The following EVX1 variants were observed in gnomAD, a reference collection of about 807,000 sequenced individuals.
EVX1 encodes even-skipped homeobox 1.
A neutral mutation model predicts 28.6 loss-of-function variants in EVX1; 19 were observed. The ratio of observed to expected loss-of-function variants is 0.67; its 90% confidence interval spans 0.46 to 0.98. The LOEUF (loss-of-function observed/expected upper bound fraction) is 0.98. Among genes scored for constraint, EVX1 ranks in the 50% least tolerant of loss-of-function variants. EVX1 has a pLI of 0.00. For synonymous variants in EVX1, 324 were observed against 278.2 expected (o/e 1.16, Z -1.64); for missense variants, 660 against 583.0 (o/e 1.13, Z -1.36).
At position 27,245,209 on chromosome 7, in the gene EVX1, C is replaced by A. The variant is rs375461284; in HGVS notation, c.589C>A (p.Arg197=). The change falls in exon 2 of 3, where the codon CGG becomes AGG. Residue 197 remains arginine (R), a synonymous_variant. Transcript: ENST00000496902. ...RTAFTREQIA[R]LEKEFYRENY... is the part of the protein sequence containing the mutation. ...CGCCTTCACCCGAGAGCAGATTGCG[C>A]GGCTGGAGAAGGAATTCTACCGGGA... 1 of 1,613,566 alleles carries A rather than the reference C, an allele frequency of 6.2e-7. No individual in the cohort carries two copies. Among genetic ancestry groups the A allele is most frequent in the African/African-American group, 1.3e-5 (1 of 74,952 alleles).
intron 1 of EVX1, 109 bp from the exon 2 acceptor site, chr7:27,244,939 C>G: frequency 6.8e-7 from 1 of 1,472,788 alleles, no homozygotes; most frequent in Non-Finnish European, 9.1e-7. Flanking sequence ...AGGTGGCTGA[C>G]AGGGTGTCCC....
Position 27,246,422 on chromosome 7 carries a change from A to AT in EVX1, c.1222dup (p.Ter408LeufsTer160), listed in dbSNP as rs762860657. 1 of 1,593,500 alleles carries AT rather than the reference A, an allele frequency of 6.3e-7. No homozygotes were observed. Among genetic ancestry groups the AT allele is most frequent in the South Asian group, 1.1e-5 (1 of 89,488 alleles). On this transcript the variant is annotated frameshift_variant, in exon 3 of 3. Transcript: ENST00000496902. LOFTEE classifies it high-confidence loss of function. The stretch of plus-strand genomic sequence containing the variant: ...AGAGGGAGGAGGTGCCCCTCACTAG[A>AT]TAAGGGGCCGCCGGCTGGCTGCCGG...
Position 27,242,955 on chromosome 7 carries a change from C to T in EVX1, c.-76C>T. ...CTCCCTCTTGCAACCAAGATCCGTC[C>T]GGCCGCTGGAGACCCAGGGAGCCGG... On this transcript the variant is annotated 5_prime_UTR_variant, in exon 1 of 3. Coordinates refer to ENST00000496902, the MANE Select transcript of EVX1 (RefSeq NM_001989.5). 3 of 1,389,962 alleles carry T rather than the reference C, an allele frequency of 2.2e-6. No individual in the cohort carries two copies. Among genetic ancestry groups the T allele is most frequent in the South Asian group, 1.6e-5 (1 of 64,404 alleles). 86.1% of individuals were successfully genotyped at this position (1,389,962 alleles called of 1,614,324 possible).
Position 27,245,335 on chromosome 7 carries a change from G to A in EVX1, c.684+31G>A, listed in dbSNP as rs368850594. Reference sequence around the variant, plus strand: ...CGGGGTCCAGGCTGGGGAGGCGGGTGTGCACCTATTTAGCGGGAAGTAAAT... The same window carrying A: ...CGGGGTCCAGGCTGGGGAGGCGGGTATGCACCTATTTAGCGGGAAGTAAAT... On this transcript the variant is annotated intron_variant, in intron 2 of 2. Coordinates refer to ENST00000496902, the MANE Select transcript of EVX1 (RefSeq NM_001989.5). 37 of 1,609,182 alleles carry A rather than the reference G, an allele frequency of 2.3e-5. No homozygotes were observed. In the African/African-American group the frequency reaches 4.1e-4, roughly 18 times the overall value.
Position 27,246,189 on chromosome 7 carries a change from C to G in EVX1, c.988C>G (p.Pro330Ala). Residue 330 changes from proline to alanine, a missense_variant, in exon 3 of 3, where the codon CCG (proline) becomes GCG (alanine). Around this residue, in one of 3 missense-constraint regions of EVX1, gnomAD observed 299 missense variants for 241.3 expected, o/e 1.24. Coordinates refer to ENST00000496902, the MANE Select transcript of EVX1 (RefSeq NM_001989.5). ...PELLCAFRHP[P>A]LYPGPAHGLG... ...ACTGCTGTGCGCCTTCCGCCACCCG[C>G]CGCTCTACCCCGGGCCCGCGCACGG... The G allele has an allele frequency of 6.7e-7, 1 of 1,490,892 alleles. No individual in the cohort carries two copies. The highest frequency in any genetic ancestry group is 8.8e-7 in the Non-Finnish European group (1 of 1,130,488). 92.4% of individuals were successfully genotyped at this position (1,490,892 alleles called of 1,614,324 possible).
At chr7:27,244,455 G>C (rs1363792144) in intron 1 of EVX1, 2 of 986,896 alleles carry the variant, frequency 2.0e-6, no homozygotes, top group South Asian at 9.4e-5. Context: ...TCTTATCACC[G>C]ATTTCACCCA....
chr7:27,243,314 G>A lies in EVX1; in HGVS notation c.284G>A (p.Gly95Glu). 1 of 1,577,972 alleles carries A rather than the reference G, an allele frequency of 6.3e-7. No homozygotes were observed. The highest frequency in any genetic ancestry group is 8.6e-7 in the Non-Finnish European group (1 of 1,163,550). ...GCTGGGGCGGCCATGCTCGGCCCAGGACCCCCGGCCCCCTCAGTCGACAGC... is the reference window on the plus strand; with the variant it reads ...GCTGGGGCGGCCATGCTCGGCCCAGAACCCCCGGCCCCCTCAGTCGACAGC... The part of the protein sequence containing the change: ...QVAGAAMLGP[G>E]PPAPSVDSLS... Residue 95 changes from glycine to glutamate, a missense_variant, in exon 1 of 3, where the codon GGA becomes GAA. Physicochemically the swap from Gly to Glu is moderately conservative, Grantham distance 98. Transcript: ENST00000496902.
chr7:27,246,025 C>T lies in EVX1; in HGVS notation c.824C>T (p.Ser275Leu), dbSNP rs886698183. Reference protein sequence around the residue: ...AAGGLPYPFPSHLPLPYYSPV... With the variant: ...AAGGLPYPFPLHLPLPYYSPV... ...GGCGGCCTGCCCTACCCCTTCCCAT[C>T]GCACCTGCCCCTGCCCTACTACTCG... Residue 275 changes from serine (S) to leucine (L), a missense_variant, in exon 3 of 3, where the codon TCG becomes TTG. Around this residue, in one of 3 missense-constraint regions of EVX1, gnomAD observed 299 missense variants for 241.3 expected, o/e 1.24. Transcript: ENST00000496902. The T allele has an allele frequency of 2.5e-6, 4 of 1,596,482 alleles. No homozygotes were observed. The highest frequency in any genetic ancestry group is 3.4e-6 in the Non-Finnish European group (4 of 1,177,596).
At position 27,244,379 on chromosome 7, in the gene EVX1, G is replaced by GA. The variant is rs199772870; in HGVS notation, c.428-668dup. On this transcript the variant is annotated intron_variant, in intron 1 of 2. Transcript: ENST00000496902. Reference sequence around the variant, plus strand: ...GTGGAAAGAGCCTGGGGGCGGGGGGGAGAAAGACCACCCCCTGGTCTTGGC... The same window carrying GA: ...GTGGAAAGAGCCTGGGGGCGGGGGGGAAGAAAGACCACCCCCTGGTCTTGGC... The GA allele has an allele frequency of 4.7e-3, 2,103 of 442,976 alleles. 70 individuals carry two copies. Among genetic ancestry groups the GA allele is most frequent in the African/African-American group, 0.046 (2,014 of 44,244 alleles). 27.4% of individuals were successfully genotyped at this position (442,976 alleles called of 1,614,324 possible). A position where few individuals can be genotyped will look rare whatever the true frequency, so the allele number is the denominator to read the frequency against.
chr7:27,243,055 G>C lies in EVX1; in HGVS notation c.25G>C (p.Val9Leu). The change falls in exon 1 of 3, where the codon GTG becomes CTG. Residue 9 changes from valine to leucine, a missense_variant. By Grantham distance (32) the Val-to-Leu change is conservative. Transcript: ENST00000496902. Reference protein sequence around the residue: MESRKDMVVFLDGGQLGTL... With the variant: MESRKDMVLFLDGGQLGTL... Reference sequence around the variant, plus strand: ...GATGGAGAGCCGAAAGGACATGGTTGTGTTTCTGGATGGGGGTCAGCTTGG... The same window carrying C: ...GATGGAGAGCCGAAAGGACATGGTTCTGTTTCTGGATGGGGGTCAGCTTGG... The C allele has an allele frequency of 6.2e-7, 1 of 1,607,648 alleles. No individual in the cohort carries two copies. Among genetic ancestry groups the C allele is most frequent in the Non-Finnish European group, 8.5e-7 (1 of 1,177,068 alleles).
chr7:27,246,006 C>G lies in EVX1; in HGVS notation c.805C>G (p.Leu269Val). The G allele has an allele frequency of 6.2e-7, 1 of 1,600,518 alleles. No individual in the cohort carries two copies. The highest frequency in any genetic ancestry group is 1.1e-5 in the South Asian group (1 of 91,042). ...GAGCCATGCGGCGGCCGCGGGCGGC[C>G]TGCCCTACCCCTTCCCATCGCACCT... ...MMSHAAAAGGLPYPFPSHLPL... is the reference protein window; with the variant it reads ...MMSHAAAAGGVPYPFPSHLPL... The change falls in exon 3 of 3, where the codon CTG becomes GTG. Residue 269 changes from leucine (L) to valine (V), a missense_variant. Around this residue, in one of 3 missense-constraint regions of EVX1, gnomAD observed 299 missense variants for 241.3 expected, o/e 1.24. Transcript: ENST00000496902.
intron 1 of EVX1, 53 bp from the exon 2 acceptor site, chr7:27,244,995 G>A: frequency 6.4e-7 from 1 of 1,573,486 alleles, no homozygotes; most frequent in Non-Finnish European, 8.6e-7. Flanking sequence ...CCACTTCAAT[G>A]GCGTTTGTGT....
In EVX1 at chr7:27,243,289, G is replaced by T; in HGVS notation, c.259G>T (p.Ala87Ser). Residue 87 changes from alanine to serine, a missense_variant, in exon 1 of 3, where the codon GCT becomes TCT. Transcript: ENST00000496902. ...AAGPGAEPQVAGAAMLGPGPP... is the reference protein window; with the variant it reads ...AAGPGAEPQVSGAAMLGPGPP... The stretch of plus-strand genomic sequence containing the variant: ...GGGGCCGGGCGCCGAGCCCCAGGTA[G>T]CTGGGGCGGCCATGCTCGGCCCAGG... 6.4e-7 allele frequency: 1 copy of T among 1,554,260 alleles called. No individual in the cohort carries two copies.
At chr7:27,243,721 C>T (rs1047949582) in intron 1 of EVX1, 21 of 418,726 alleles carry the variant, frequency 5.0e-5, no homozygotes, top group Middle Eastern at 1.2e-3. Flanking sequence ...TCGAAGCTCA[C>T]CCCAAGCACC....
Position 27,245,076 on chromosome 7 carries a change from T to C in EVX1, c.456T>C (p.Ser152=). The C allele has an allele frequency of 6.2e-7, 1 of 1,612,144 alleles. No individual in the cohort carries two copies. Among genetic ancestry groups the C allele is most frequent in the South Asian group, 1.1e-5 (1 of 91,034 alleles). The part of the protein sequence containing the change: ...KGSGSEALVG[S]PNGGSETPKS... Reference sequence around the variant, plus strand: ...CCGGCTCCGAGGCGCTGGTCGGCAGTCCGAACGGAGGGAGCGAGACCCCCA... The same window carrying C: ...CCGGCTCCGAGGCGCTGGTCGGCAGCCCGAACGGAGGGAGCGAGACCCCCA... The change falls in exon 2 of 3, where the codon AGT becomes AGC. Residue 152 remains serine (S), a synonymous_variant. Coordinates refer to ENST00000496902, the MANE Select transcript of EVX1 (RefSeq NM_001989.5).
At chr7:27,243,598 C>A (rs1783088665) in intron 1 of EVX1, 141 bp downstream of exon 1, 7 of 913,566 alleles carry the variant, frequency 7.7e-6, no homozygotes, top group African/African-American at 1.7e-5. Flanking sequence ...CTGCTATCTG[C>A]GTTCTGGCGG....
At position 27,245,039 on chromosome 7, in the gene EVX1, G is replaced by A; in HGVS notation, c.428-9G>A. 4.4e-6 allele frequency: 7 copies of A among 1,607,154 alleles called. No homozygotes were observed. The highest frequency in any genetic ancestry group is 5.9e-6 in the Non-Finnish European group (7 of 1,179,074). On this transcript the variant is annotated splice_polypyrimidine_tract_variant and intron_variant, in intron 1 of 2. Transcript: ENST00000496902. ...CTGTACACGCCTGTGCTCTGGACTC[G>A]CTGTGCAGGGTCCGGCTCCGAGGCG...
chr7:27,246,200 C>T lies in EVX1; in HGVS notation c.999C>T (p.Pro333=). The T allele has an allele frequency of 6.7e-7, 1 of 1,498,216 alleles. No homozygotes were observed. The highest frequency in any genetic ancestry group is 1.3e-5 in the South Asian group (1 of 79,484). The allele number at this position is 1,498,216 out of a possible 1,614,324, so 92.8% of individuals were successfully genotyped here. ...LCAFRHPPLY[P]GPAHGLGASA... is the part of the protein sequence containing the mutation. ...CCTTCCGCCACCCGCCGCTCTACCC[C>T]GGGCCCGCGCACGGACTGGGCGCCT... Residue 333 remains proline (P), a synonymous_variant, in exon 3 of 3, where the codon CCC becomes CCT. Transcript: ENST00000496902.
At chr7:27,243,484 G>C (rs1783084462) in intron 1 of EVX1, 27 bp downstream of exon 1, 1 of 1,548,704 alleles carries the variant, frequency 6.5e-7, no homozygotes, top group Non-Finnish European at 8.7e-7. Flanking sequence ...TCCGCTCCCC[G>C]GGCCTCCCAC....
Sources: allele counts gnomAD v4.1 joint callset, GRCh38; gene constraint gnomAD v4.1.1; regional missense constraint gnomAD v4.1.1; transcripts MANE v1.5; gene names NCBI Gene and HGNC (gene_info 2026-07-23, HGNC 2026-07-21).